CCDC158: variants seen among roughly 807,000 people sequenced by gnomAD.
CCDC158 encodes coiled-coil domain containing 158, also known as coiled-coil domain-containing protein 158.
Under a neutral mutation model 138.6 loss-of-function variants are expected in CCDC158, and 116 were observed. The ratio of observed to expected loss-of-function variants is 0.84; its 90% CI spans 0.72 to 0.98. CCDC158 has a LOEUF of 0.98. Among genes scored for constraint, CCDC158 ranks in the 50% least tolerant of loss-of-function variants. The pLI, the probability that CCDC158 is intolerant of heterozygous loss-of-function variation, is 0.00. For missense variants in CCDC158, 1,265 were observed against 1,306.1 expected (o/e 0.97, Z 0.48); for synonymous variants, 436 against 442.4 (o/e 0.99, Z 0.18).
chr4:76,355,535 T>C, intron 14 of CCDC158, 99 bp from the exon 15 acceptor site: 2 of 804,278 alleles, frequency 2.5e-6, no homozygotes, highest in Non-Finnish European at 4.3e-6. Context: ...ACAAGTAAGA[T>C]CCTCCAAGGT....
intron 21 of CCDC158, among the ~76,000 whole-genome samples, chr4:76,330,549 G>A (rs1383853393): frequency 2.6e-5 from 4 of 151,982 alleles, no homozygotes; most frequent in Non-Finnish European, 4.4e-5. Flanking sequence ...TGCATCCATG[G>A]GTTCTGCAAT....
rs17001891 is a variant in CCDC158, at chr4:76,384,547, A to C, written c.398+9T>G. ...TATGTGACTTTAAAATAATTTCACA[A>C]ATCCCAACCTGATGTCAGCCATAGC... On this transcript the variant is annotated intron_variant, in intron 5 of 24. Coordinates refer to ENST00000682701, the MANE Select transcript of CCDC158 (RefSeq NM_001394954.1). 6.3e-7 allele frequency: 1 copy of C among 1,597,630 alleles called. No individual in the cohort carries two copies. Among genetic ancestry groups the C allele is most frequent in the African/African-American group, 1.3e-5 (1 of 74,076 alleles).
In CCDC158 at chr4:76,369,601, T is replaced by C; in HGVS notation, c.1172A>G (p.Lys391Arg). ...CTGCTCCTTCTCCAGACTCAGCTCCTTCTCCCTTTTGTGTAGATCAGCCTA... is the reference window on the plus strand; with the variant it reads ...CTGCTCCTTCTCCAGACTCAGCTCCCTCTCCCTTTTGTGTAGATCAGCCTA... The part of the protein sequence containing the change: ...KLLADLHKRE[K>R]ELSLEKEQNK... Residue 391 changes from lysine (K) to arginine (R), a missense_variant, in exon 11 of 25, where the codon AAG becomes AGG. Coordinates refer to ENST00000682701, the MANE Select transcript of CCDC158 (RefSeq NM_001394954.1). The C allele has an allele frequency of 6.2e-7, 1 of 1,614,132 alleles. No homozygotes were observed. Among genetic ancestry groups the C allele is most frequent in the Non-Finnish European group, 8.5e-7 (1 of 1,179,992 alleles).
intron 4 of CCDC158, among the ~76,000 whole-genome samples, chr4:76,389,010 T>C (rs2109800079): frequency 6.6e-6 from 1 of 152,136 alleles, no homozygotes; most frequent in South Asian, 2.1e-4. Flanking sequence ...TAAGCTCAAC[T>C]GTGAAGACTA....
At chr4:76,362,350 T>TA in intron 12 of CCDC158, 35 bp from the exon 13 acceptor site, 2 of 1,484,622 alleles carry the variant, frequency 1.3e-6, no homozygotes, top group Non-Finnish European at 1.8e-6. Flanking sequence ...GATAGAGAAG[T>TA]AAAAAATATG....
At chr4:76,392,986 C>T (rs939093723) in intron 4 of CCDC158, among the ~76,000 whole-genome samples, 9 of 151,868 alleles carry the variant, frequency 5.9e-5, no homozygotes, top group Non-Finnish European at 8.8e-5. Flanking sequence ...TGGAAGAGGA[C>T]ACTAAAAATC....
At chr4:76,375,206 T>G (rs1725601469) in intron 9 of CCDC158, 1 of 241,096 alleles carries the variant, frequency 4.1e-6, no homozygotes, top group African/African-American at 2.2e-5. Flanking sequence ...CTTTTATTTT[T>G]ACGTAGTAGC....
chr4:76,362,876 G>T (rs1453608106), intron 12 of CCDC158, among the ~76,000 whole-genome samples: 2 of 152,214 alleles, frequency 1.3e-5, no homozygotes, highest in Non-Finnish European at 2.9e-5. Flanking sequence ...GGTAAGAGAA[G>T]TGGCAAGAAT....
At chr4:76,323,070 C>T (rs536687834) in intron 24 of CCDC158, among the ~76,000 whole-genome samples, 2 of 152,290 alleles carry the variant, frequency 1.3e-5, no homozygotes, top group Non-Finnish European at 2.9e-5. Context: ...GGATGGCCGG[C>T]AGGATTGTCA....
intron 18 of CCDC158, 30 bp downstream of exon 18, chr4:76,350,966 G>A: frequency 1.2e-6 from 2 of 1,601,998 alleles, no homozygotes; most frequent in Non-Finnish European, 1.7e-6. Context: ...TATGTCATTT[G>A]CGTAATGGAT....
chr4:76,415,890 C>G (rs1045665717), intron 1 of CCDC158, among the ~76,000 whole-genome samples: 31 of 152,252 alleles, frequency 2.0e-4, no homozygotes, highest in African/African-American at 6.7e-4. Context: ...GAAAGGGAGT[C>G]TCAATTTCCC....
intron 21 of CCDC158, among the ~76,000 whole-genome samples, chr4:76,330,448 T>C (rs1720910093): frequency 6.6e-6 from 1 of 152,224 alleles, no homozygotes; most frequent in Admixed American, 6.5e-5. Context: ...TGGTTATTAA[T>C]AGGTATGATA....
chr4:76,313,239 A>C lies in CCDC158; in HGVS notation c.3285T>G (p.Ser1095=). Residue 1095 remains serine, a synonymous_variant, in exon 25 of 25, where the codon TCT becomes TCG. Transcript: ENST00000682701. ...EDLQLKNQAM[S]SMIRNQEKRI... is the part of the protein sequence containing the mutation. ...TCTTTTCTTGATTTCTGATCATTGAAGACATTGCTGAAAATGTTGATAAAA... is the reference window on the plus strand; with the variant it reads ...TCTTTTCTTGATTTCTGATCATTGACGACATTGCTGAAAATGTTGATAAAA... 1 of 1,597,818 alleles carries C rather than the reference A, an allele frequency of 6.3e-7. No individual in the cohort carries two copies. Among genetic ancestry groups the C allele is most frequent in the Non-Finnish European group, 8.6e-7 (1 of 1,169,098 alleles).
At chr4:76,336,595 T>C (rs538660173) in intron 18 of CCDC158, among the ~76,000 whole-genome samples, 8 of 152,310 alleles carry the variant, frequency 5.3e-5, no homozygotes, top group Admixed American at 5.2e-4. Context: ...CTTCAAATCT[T>C]TTAAAGAAAA....
intron 18 of CCDC158, among the ~76,000 whole-genome samples, chr4:76,335,617 T>C (rs1400309549): frequency 6.6e-6 from 1 of 152,114 alleles, no homozygotes; most frequent in African/African-American, 2.4e-5. Context: ...TCCCACTCTG[T>C]CACCTAGGCT....
At chr4:76,341,207 T>C (rs917249327) in intron 18 of CCDC158, among the ~76,000 whole-genome samples, 7 of 152,206 alleles carry the variant, frequency 4.6e-5, no homozygotes, top group East Asian at 1.9e-4. Context: ...GGCAAACTTA[T>C]GAGTCATCAG....
intron 18 of CCDC158, among the ~76,000 whole-genome samples, chr4:76,339,329 T>C (rs1472327483): frequency 6.6e-6 from 1 of 152,114 alleles, no homozygotes; most frequent in Non-Finnish European, 1.5e-5. Flanking sequence ...CTACATACAT[T>C]TGTCATGAAC....
At position 76,337,503 on chromosome 4, in the gene CCDC158, G is replaced by A. The variant is rs917839001; in HGVS notation, c.2665-3336C>T. Among the ~76,000 whole-genome samples the A allele has an allele frequency of 5.3e-5, 8 of 152,070 alleles. No individual in the cohort carries two copies. The East Asian group carries it at 5.8e-4, about 11-fold the overall frequency. On this transcript the variant is annotated intron_variant, in intron 18 of 24. Coordinates refer to ENST00000682701, the MANE Select transcript of CCDC158 (RefSeq NM_001394954.1). ...TCCTAGCACTCCGGGAGGCCAAGGC[G>A]GGTGGATCACCTAGGTCAGGAGCTC...
In CCDC158 at chr4:76,335,898, T is replaced by C. The variant is rs116024429; in HGVS notation, c.2665-1731A>G. Among the ~76,000 whole-genome samples, 1,464 of 148,294 alleles carry C rather than the reference T, an allele frequency of 9.9e-3. 23 individuals are homozygous for C. The highest frequency in any genetic ancestry group is 0.034 in the African/African-American group (1,399 of 40,746). On this transcript the variant is annotated intron_variant, in intron 18 of 24. Coordinates refer to ENST00000682701, the MANE Select transcript of CCDC158 (RefSeq NM_001394954.1). ...ACATGAGGTTTGAAAAAGCATTCAA[T>C]TGGCAGGGCGCGGTGGCTCACACCT...
Sources: gnomAD v4.1 joint callset for allele counts (sites outside exome capture counted in the v4.1 genomes callset) on GRCh38, gnomAD v4.1.1 for gene constraint, MANE v1.5 for transcripts, NCBI Gene and HGNC (gene_info 2026-07-23, HGNC 2026-07-21) for gene names.